The following TTLL11 variants were observed in gnomAD, a reference collection of about 807,000 sequenced individuals.
TTLL11 encodes tubulin tyrosine ligase like 11.
In TTLL11, 42 loss-of-function variants were observed where a neutral mutation model predicts 51.7. The observed-to-expected ratio is 0.81, with a 90% CI of 0.64 to 1.05. The LOEUF (loss-of-function observed/expected upper bound fraction) is 1.05, where lower values mean the gene tolerates loss of function less well. Ranked by LOEUF, TTLL11 falls within the 50% of genes least tolerant of loss-of-function variation. The pLI is 0.00. For synonymous variants in TTLL11, 381 were observed against 383.5 expected, an observed-to-expected ratio of 0.99 and a Z score of 0.08; for missense variants, 799 against 940.4, an observed-to-expected ratio of 0.85 and a Z score of 1.97.
intron 1 of TTLL11, among the ~76,000 whole-genome samples, chr9:122,068,247 T>C (rs1398083948): frequency 1.3e-5 from 2 of 152,164 alleles, no homozygotes; most frequent in Non-Finnish European, 2.9e-5. Flanking sequence ...ATTAAAACAT[T>C]AGGTACATAA....
In TTLL11 at chr9:121,819,730, G is replaced by A. The variant is rs1046514080; in HGVS notation, c.*2857C>T. ...CCAGCTATGTGTGCCGTGCCTCTGG[G>A]CCAGCCAGACTCCCGGCTCTACTTC... On this transcript the variant is annotated 3_prime_UTR_variant, in exon 9 of 9. Transcript: ENST00000321582. 5.9e-5 allele frequency among the ~76,000 whole-genome samples: 9 copies of A among 152,078 alleles called. No individual in the cohort carries two copies. The highest frequency in any genetic ancestry group is 1.3e-4 in the Non-Finnish European group (9 of 68,022).
At chr9:122,049,509 G>C (rs1023483042) in intron 1 of TTLL11, among the ~76,000 whole-genome samples, 1 of 152,118 alleles carries the variant, frequency 6.6e-6, no homozygotes, top group Non-Finnish European at 1.5e-5. Flanking sequence ...TACTAGTCAC[G>C]CATGAATAAC....
At chr9:122,045,809 C>G (rs759676206) in intron 1 of TTLL11, among the ~76,000 whole-genome samples, 1 of 152,134 alleles carries the variant, frequency 6.6e-6, no homozygotes, top group Non-Finnish European at 1.5e-5. Flanking sequence ...AGACAAATAT[C>G]GTATGATTCT....
At chr9:121,894,258 C>T (rs183461683) in intron 6 of TTLL11, among the ~76,000 whole-genome samples, 1 of 152,150 alleles carries the variant, frequency 6.6e-6, no homozygotes, top group East Asian at 1.9e-4. Context: ...ACACAGAAAC[C>T]TTTCTGGAGA....
chr9:122,040,252 C>A (rs542699549), intron 1 of TTLL11: 1 of 602,890 alleles, frequency 1.7e-6, no homozygotes, highest in East Asian at 1.4e-4. Context: ...GACTGAGTGG[C>A]CTCAGACCCG....
Position 121,915,990 on chromosome 9 carries a change from TACACACACACACAC to T in TTLL11, c.1482-45256_1482-45243del, listed in dbSNP as rs59554930. 2.1e-4 allele frequency among the ~76,000 whole-genome samples: 28 copies of T among 134,328 alleles called. 1 individual carries two copies. Among genetic ancestry groups the T allele is most frequent in the South Asian group, 9.5e-4 (4 of 4,226 alleles). The allele number at this position is 134,328 out of a possible 152,430, so 88.1% of individuals were successfully genotyped here. On this transcript the variant is annotated intron_variant, in intron 6 of 8. Coordinates refer to ENST00000321582, the MANE Select transcript of TTLL11 (RefSeq NM_001139442.2). The stretch of plus-strand genomic sequence containing the variant: ...GCATGTATAGACAAAGACACACACA[TACACACACACACAC>T]ACACACACACACACACACACACACA...
At chr9:121,984,675 A>G (rs1469456668) in intron 4 of TTLL11, among the ~76,000 whole-genome samples, 1 of 152,204 alleles carries the variant, frequency 6.6e-6, no homozygotes, top group East Asian at 1.9e-4. Flanking sequence ...AAAGAGGAGA[A>G]ACATCTTAGG....
chr9:121,836,962 T>C (rs549453598), intron 8 of TTLL11, among the ~76,000 whole-genome samples: 3 of 152,326 alleles, frequency 2.0e-5, no homozygotes, highest in African/African-American at 7.2e-5. Context: ...AAAAATGAAA[T>C]ATGTGCACTG....
At chr9:122,000,362 C>T (rs577276145) in intron 3 of TTLL11, among the ~76,000 whole-genome samples, 4 of 149,762 alleles carry the variant, frequency 2.7e-5, no homozygotes, top group Admixed American at 1.3e-4. Context: ...GTCCCAGCTA[C>T]TCTGGAGGCT....
chr9:121,973,734 A>G (rs1842631953), intron 6 of TTLL11, among the ~76,000 whole-genome samples: 1 of 152,186 alleles, frequency 6.6e-6, no homozygotes, highest in South Asian at 2.1e-4. Context: ...CCTAAAACTT[A>G]AAGTATAATA....
chr9:122,028,864 A>C (rs574205742), intron 3 of TTLL11, among the ~76,000 whole-genome samples: 11 of 152,350 alleles, frequency 7.2e-5, no homozygotes, highest in African/African-American at 2.6e-4. Context: ...TCATACAAAA[A>C]ATATTTGGAA....
intron 1 of TTLL11, among the ~76,000 whole-genome samples, chr9:122,070,880 C>T (rs904997320): frequency 4.6e-5 from 7 of 151,990 alleles, no homozygotes; most frequent in African/African-American, 1.2e-4. Flanking sequence ...AGCCTTGGCA[C>T]GAAAAGCAAT....
Position 121,989,550 on chromosome 9 carries a change from T to G in TTLL11, c.914A>C (p.Lys305Thr), listed in dbSNP as rs1843044434. 2 of 1,614,030 alleles carry G rather than the reference T, an allele frequency of 1.2e-6. No homozygotes were observed. Among genetic ancestry groups the G allele is most frequent in the Admixed American group, 3.3e-5 (2 of 59,996 alleles). The change falls in exon 4 of 9, where the codon AAG (lysine) becomes ACG (threonine). Residue 305 changes from lysine to threonine, a missense_variant. This residue lies in a region of TTLL11 where 468 missense variants were observed against 612.8 expected (regional missense o/e 0.76). Coordinates refer to ENST00000321582, the MANE Select transcript of TTLL11 (RefSeq NM_001139442.2). This position sits in a 1 kb window ranked among gnomAD's most constrained non-coding sequence, Gnocchi z 4.2. Reference sequence around the variant, plus strand: ...ATAAATCTCTAAGGGGTCTAAGGACTTGAGTAAGACATACAGACGAATATC... The same window carrying G: ...ATAAATCTCTAAGGGGTCTAAGGACGTGAGTAAGACATACAGACGAATATC... ...KFDIRLYVLL[K>T]SLDPLEIYIA...
chr9:122,061,991 T>C (rs1377803234), intron 1 of TTLL11, among the ~76,000 whole-genome samples: 1 of 152,198 alleles, frequency 6.6e-6, no homozygotes, highest in Non-Finnish European at 1.5e-5. Context: ...TGAATTTCTT[T>C]TGAAAATTCT....
At chr9:122,058,540 G>A (rs369855576) in intron 1 of TTLL11, among the ~76,000 whole-genome samples, 13 of 152,292 alleles carry the variant, frequency 8.5e-5, no homozygotes, top group African/African-American at 1.4e-4. Flanking sequence ...GCCAGCTCCC[G>A]GATGCAAGAG....
At chr9:121,931,225 G>A (rs72765917) in intron 6 of TTLL11, among the ~76,000 whole-genome samples, 60 of 152,350 alleles carry the variant, frequency 3.9e-4, no homozygotes, top group Non-Finnish European at 7.3e-4. Flanking sequence ...ATGATCTAAC[G>A]TGCTTGGGGC....
chr9:121,937,212 C>T (rs187155090), intron 6 of TTLL11, among the ~76,000 whole-genome samples: 10 of 152,224 alleles, frequency 6.6e-5, no homozygotes, highest in South Asian at 4.1e-4. Context: ...AGTGGAAAAA[C>T]GGACGTGAAT....
chr9:122,049,726 C>G (rs1340390546), intron 1 of TTLL11, among the ~76,000 whole-genome samples: 1 of 152,154 alleles, frequency 6.6e-6, no homozygotes, highest in Non-Finnish European at 1.5e-5. Flanking sequence ...TCGGGTCCCT[C>G]TTCTAATGGC....
At chr9:122,018,754 T>C (rs1414896697) in intron 3 of TTLL11, among the ~76,000 whole-genome samples, 1 of 152,214 alleles carries the variant, frequency 6.6e-6, no homozygotes, top group East Asian at 1.9e-4. Context: ...GACTTCACTA[T>C]GTGGACAAAG....
Sources: gnomAD v4.1 joint callset for allele counts (sites outside exome capture counted in the v4.1 genomes callset) on GRCh38, gnomAD v4.1.1 for gene constraint, gnomAD v4.1.1 regional missense constraint, Gnocchi (gnomAD v3.1) non-coding constraint, MANE v1.5 for transcripts, NCBI Gene and HGNC (gene_info 2026-07-23, HGNC 2026-07-21) for gene names.